Variants in ZFHX3 observed in about 807,000 individuals in gnomAD.
ZFHX3 encodes the protein zinc finger homeobox 3, also known as zinc finger homeobox protein 3.
A neutral mutation model predicts 279.1 loss-of-function variants in ZFHX3; 42 were observed. The observed-to-expected ratio is 0.15, with a 90% confidence interval of 0.12 to 0.19. The LOEUF (loss-of-function observed/expected upper bound fraction) is 0.19. Among genes scored for constraint, ZFHX3 ranks in the 10% least tolerant of loss-of-function variants. The pLI is 1.00. For synonymous variants in ZFHX3, 2,293 were observed against 1,957.8 expected (o/e 1.17, Z -4.52); for missense variants, 4,981 against 4,754.0 (o/e 1.05, Z -1.40).
chr16:73,549,578 G>A (rs778361102), intron 2 of ZFHX3, among the ~76,000 whole-genome samples: 5 of 152,130 alleles, frequency 3.3e-5, no homozygotes, highest in Admixed American at 6.6e-5. Context: ...CTTTTCTAAA[G>A]ATTTCTCACA....
At chr16:73,369,427 C>T (rs986354934) in intron 3 of ZFHX3, among the ~76,000 whole-genome samples, 2 of 152,198 alleles carry the variant, frequency 1.3e-5, no homozygotes, top group South Asian at 2.1e-4. Flanking sequence ...ATCGAATGCC[C>T]GTGAAGCCAG....
At chr16:73,019,374 G>A (rs1441136870) in intron 1 of ZFHX3, among the ~76,000 whole-genome samples, 3 of 152,002 alleles carry the variant, frequency 2.0e-5, no homozygotes, top group Admixed American at 1.3e-4. Flanking sequence ...GTGTGCGTGT[G>A]CGTGTGCGTG....
chr16:73,731,478 G>C (rs1415265570), intron 1 of ZFHX3, among the ~76,000 whole-genome samples: 2 of 146,610 alleles, frequency 1.4e-5, no homozygotes, highest in Non-Finnish European at 3.0e-5. Context: ...TTTTTTTTTT[G>C]TTAGAAAAAC....
At chr16:73,469,303 C>T (rs990297728) in intron 2 of ZFHX3, among the ~76,000 whole-genome samples, 2 of 152,036 alleles carry the variant, frequency 1.3e-5, no homozygotes, top group African/African-American at 2.4e-5. Flanking sequence ...AAGCAGCAAG[C>T]GAACATAGAG....
At chr16:73,519,895 A>C (rs2019583818) in intron 2 of ZFHX3, among the ~76,000 whole-genome samples, 1 of 152,224 alleles carries the variant, frequency 6.6e-6, no homozygotes, top group Admixed American at 6.5e-5. Flanking sequence ...TCAAAACAAA[A>C]GTTTCTAGGA....
At chr16:73,636,306 A>G (rs909707143) in intron 2 of ZFHX3, among the ~76,000 whole-genome samples, 3 of 152,226 alleles carry the variant, frequency 2.0e-5, no homozygotes, top group African/African-American at 7.2e-5. Context: ...CTGACAAATA[A>G]TATAACTGTA....
intron 1 of ZFHX3, among the ~76,000 whole-genome samples, chr16:73,874,370 C>T (rs1453082019): frequency 6.6e-6 from 1 of 152,132 alleles, no homozygotes; most frequent in African/African-American, 2.4e-5. Context: ...TCCAATTTAA[C>T]CCCCGACTGA....
chr16:73,653,101 TAAAAC>T (rs2052687116), intron 2 of ZFHX3, among the ~76,000 whole-genome samples: 1 of 152,154 alleles, frequency 6.6e-6, no homozygotes. Context: ...GTATAGATTT[TAAAAC>T]AAAAAGTATT....
intron 5 of ZFHX3, among the ~76,000 whole-genome samples, chr16:73,160,841 A>G (rs1438309640): frequency 2.0e-5 from 3 of 146,532 alleles, no homozygotes; most frequent in Non-Finnish European, 4.5e-5. Context: ...TACATAATAT[A>G]TTAGATGTAC....
intron 4 of ZFHX3, among the ~76,000 whole-genome samples, chr16:73,310,565 A>G (rs1012046745): frequency 6.6e-6 from 1 of 152,122 alleles, no homozygotes; most frequent in Non-Finnish European, 1.5e-5. Context: ...CTGGGGTGGC[A>G]GCAGTGCTGC....
In ZFHX3 at chr16:72,784,753, A is replaced by T. The variant is rs558205248; in HGVS notation, c.*2411T>A. The T allele has an allele frequency of 7.2e-5, 11 of 152,710 alleles. No homozygotes were observed. The East Asian group carries it at 2.1e-3, about 29-fold the overall frequency. The allele number at this position is 152,710 out of a possible 1,614,324, so 9.5% of individuals were successfully genotyped here. ...GCTACAACTGGATACTGGTATGAAT[A>T]GTTAGATGGTATTCTTTCTTTAGTA... On this transcript the variant is annotated 3_prime_UTR_variant, in exon 10 of 10. Coordinates refer to ENST00000268489, the MANE Select transcript of ZFHX3 (RefSeq NM_006885.4).
intron 3 of ZFHX3, among the ~76,000 whole-genome samples, chr16:73,318,674 A>C (rs2015508166): frequency 6.6e-6 from 1 of 152,220 alleles, no homozygotes; most frequent in South Asian, 2.1e-4. Context: ...ATTTAGCAAA[A>C]GGATAAATAA....
At chr16:73,883,292 T>C (rs968193568) in intron 1 of ZFHX3, among the ~76,000 whole-genome samples, 7 of 152,116 alleles carry the variant, frequency 4.6e-5, no homozygotes, top group Admixed American at 4.6e-4. Context: ...AAAGTTCAGC[T>C]AAACAAAAGG....
Position 73,461,552 on chromosome 16 carries a change from C to T in ZFHX3, c.-1546-5294G>A, listed in dbSNP as rs541620689. Among the ~76,000 whole-genome samples, 14 of 152,270 alleles carry T rather than the reference C, an allele frequency of 9.2e-5. No homozygotes were observed. The South Asian group carries it at 2.1e-3, about 23-fold the overall frequency. On this transcript the variant is annotated intron_variant, in intron 2 of 17. Transcript: ENST00000641206. Reference sequence around the variant, plus strand: ...TGAATTCTGCAATCCACTTTGGATTCATTTTCATGTATGGTGTAAACCAAG... The same window carrying T: ...TGAATTCTGCAATCCACTTTGGATTTATTTTCATGTATGGTGTAAACCAAG...
At chr16:73,389,122 T>C (rs561383441) in intron 3 of ZFHX3, 3 of 152,360 alleles carry the variant, frequency 2.0e-5, no homozygotes, top group South Asian at 4.1e-4. Context: ...GGTGTTAGCA[T>C]AGCCTTTCCC....
At chr16:73,692,773 A>T (rs1301901739) in intron 1 of ZFHX3, among the ~76,000 whole-genome samples, 1 of 152,238 alleles carries the variant, frequency 6.6e-6, no homozygotes, top group African/African-American at 2.4e-5. Flanking sequence ...AAAATATGCC[A>T]TCTCATTTCT....
rs186748390 is a variant in ZFHX3 at position 72,972,621 on chromosome 16, G to A, written c.-49-12427C>T. Among the ~76,000 whole-genome samples, 1,108 of 152,228 alleles carry A rather than the reference G, an allele frequency of 7.3e-3. 9 individuals are homozygous for A. The highest frequency in any genetic ancestry group is 9.5e-3 in the Non-Finnish European group (645 of 68,016). ...CTCTGAAGGGCTGGGTATCTGCTCC[G>A]GGAGGGTGGGAAGGCACTATGTCGC... On this transcript the variant is annotated intron_variant, in intron 1 of 9. Transcript: ENST00000268489.
chr16:73,808,258 T>A (rs756316149), intron 1 of ZFHX3, among the ~76,000 whole-genome samples: 10 of 152,214 alleles, frequency 6.6e-5, no homozygotes, highest in Non-Finnish European at 1.3e-4. Flanking sequence ...TTTGTGAGAA[T>A]AATTGAGAAA....
chr16:73,053,538 G>A (rs1965488433), intron 1 of ZFHX3, among the ~76,000 whole-genome samples: 2 of 152,128 alleles, frequency 1.3e-5, no homozygotes, highest in African/African-American at 4.8e-5. Flanking sequence ...ACAAGGTGTG[G>A]CAGGGGCAAA....
Sources: allele counts gnomAD v4.1 joint callset (sites outside exome capture counted in the v4.1 genomes callset), GRCh38; gene constraint gnomAD v4.1.1; transcripts MANE v1.5; gene names NCBI Gene and HGNC (gene_info 2026-07-23, HGNC 2026-07-21).